Variants in NPY2R observed in about 807,000 individuals in gnomAD.
The protein encoded by NPY2R is neuropeptide Y receptor type 2.
NPY2R carries 17 observed loss-of-function variants against 22.3 expected under a neutral mutation model. That is an observed-to-expected ratio of 0.76 (90% confidence interval 0.52 to 1.14). The LOEUF is 1.14. Among genes scored for constraint, NPY2R ranks in the 50% most tolerant of loss-of-function variants. The pLI is 0.00. For synonymous variants in NPY2R, 209 were observed against 183.4 expected, an observed-to-expected ratio of 1.14 and a Z score of -1.13; for missense variants, 424 against 467.9, an observed-to-expected ratio of 0.91 and a Z score of 0.87.
chr4:155,191,855 G>A, the NPY2R span, among the ~76,000 whole-genome samples: 1 of 151,822 alleles, frequency 6.6e-6, no homozygotes, highest in South Asian at 2.1e-4. Flanking sequence ...TTACTTCAGG[G>A]ACTGGTAAAG....
At chr4:155,198,404 TTA>T in the NPY2R span, among the ~76,000 whole-genome samples, 1 of 148,954 alleles carries the variant, frequency 6.7e-6, no homozygotes, top group African/African-American at 2.4e-5. Flanking sequence ...TCACAATTAA[TTA>T]TATATATGTA....
the NPY2R span, among the ~76,000 whole-genome samples, chr4:155,174,766 A>G: frequency 6.6e-6 from 1 of 152,002 alleles, no homozygotes; most frequent in South Asian, 2.1e-4. Flanking sequence ...GCAAATTTGG[A>G]GAGTTCAGGA....
chr4:155,177,619 C>T, the NPY2R span, among the ~76,000 whole-genome samples: 1 of 152,076 alleles, frequency 6.6e-6, no homozygotes, highest in Non-Finnish European at 1.5e-5. Context: ...CATGGCTCCA[C>T]TGGATATTGC....
intron 1 of NPY2R, among the ~76,000 whole-genome samples, chr4:155,210,810 A>G (rs1184340847): frequency 6.6e-6 from 1 of 152,162 alleles, no homozygotes; most frequent in Non-Finnish European, 1.5e-5. Flanking sequence ...GTGGTGAGAG[A>G]CAGAGAGTGA....
rs1005120000 is a variant in NPY2R at position 155,216,474 on chromosome 4, A to G, written c.*1389A>G. 2 of 166,774 alleles carry G rather than the reference A, an allele frequency of 1.2e-5. No homozygotes were observed. Among genetic ancestry groups the G allele is most frequent in the Non-Finnish European group, 2.9e-5 (2 of 68,064 alleles). The allele number at this position is 166,774 out of a possible 1,614,324, so 10.3% of individuals were successfully genotyped here. A position where few individuals can be genotyped will look rare whatever the true frequency, so the allele number is the denominator to read the frequency against. ...AGATGCTATTAAAGTTTCATTAGTC[A>G]TATTTTTGTAAATATGACAGAATTT... On this transcript the variant is annotated 3_prime_UTR_variant, in exon 2 of 2. Coordinates refer to ENST00000329476, the MANE Select transcript of NPY2R (RefSeq NM_000910.4).
At chr4:155,204,806 C>T (rs1281183481), upstream of NPY2R, among the ~76,000 whole-genome samples, 1 of 144,312 alleles carries the variant, frequency 6.9e-6, no homozygotes, top group Non-Finnish European at 1.5e-5. Flanking sequence ...AAATTTTAGA[C>T]TTTATACAGT....
chr4:155,177,561 C>T, the NPY2R span, among the ~76,000 whole-genome samples: 1 of 152,166 alleles, frequency 6.6e-6, no homozygotes, highest in Admixed American at 6.5e-5. Flanking sequence ...GCTGGTGCTG[C>T]ATGCTGGTGG....
chr4:155,176,545 G>C, the NPY2R span, among the ~76,000 whole-genome samples: 1 of 152,070 alleles, frequency 6.6e-6, no homozygotes, highest in Non-Finnish European at 1.5e-5. Flanking sequence ...TGATAAATTA[G>C]GTGGTTACCC....
chr4:155,186,553 A>G, the NPY2R span, among the ~76,000 whole-genome samples: 4 of 152,202 alleles, frequency 2.6e-5, no homozygotes, highest in Non-Finnish European at 5.9e-5. Flanking sequence ...AAGCCAATTA[A>G]CATATGAATT....
chr4:155,204,898 A>T (rs1729251322), upstream of NPY2R, among the ~76,000 whole-genome samples: 1 of 151,482 alleles, frequency 6.6e-6, no homozygotes, highest in Non-Finnish European at 1.5e-5. Flanking sequence ...TATTGGTTTC[A>T]GGACCCCTGC....
the NPY2R span, among the ~76,000 whole-genome samples, chr4:155,198,838 G>C: frequency 6.6e-6 from 1 of 151,716 alleles, no homozygotes; most frequent in Non-Finnish European, 1.5e-5. Flanking sequence ...GCCATGTGTA[G>C]AGTACAGGTA....
the NPY2R span, among the ~76,000 whole-genome samples, chr4:155,182,879 G>A: frequency 2.6e-5 from 4 of 152,016 alleles, no homozygotes; most frequent in Admixed American, 6.6e-5. Flanking sequence ...TGCAAACTCC[G>A]TCTCCTGGGT....
chr4:155,210,599 C>T (rs74798842), intron 1 of NPY2R, among the ~76,000 whole-genome samples: 9,590 of 152,228 alleles, frequency 0.063, 372 homozygotes, highest in Middle Eastern at 0.12. Context: ...ATCAAACATA[C>T]ACTCCAAGAT....
At chr4:155,205,003 C>T (rs893577027), upstream of NPY2R, among the ~76,000 whole-genome samples, 2 of 152,098 alleles carry the variant, frequency 1.3e-5, no homozygotes, top group East Asian at 1.9e-4. Context: ...ATTTCACATC[C>T]GCAAACACTG....
At chr4:155,212,257 A>G (rs748869709) in intron 1 of NPY2R, among the ~76,000 whole-genome samples, 1 of 152,248 alleles carries the variant, frequency 6.6e-6, no homozygotes, top group African/African-American at 2.4e-5. Context: ...GATTATGAGC[A>G]TATTTGAAAG....
chr4:155,174,864 A>C, the NPY2R span, among the ~76,000 whole-genome samples: 1 of 152,094 alleles, frequency 6.6e-6, no homozygotes, highest in African/African-American at 2.4e-5. Context: ...ATTATTACAC[A>C]ATACTAAATT....
At chr4:155,191,585 A>T in the NPY2R span, among the ~76,000 whole-genome samples, 1 of 151,910 alleles carries the variant, frequency 6.6e-6, no homozygotes, top group Non-Finnish European at 1.5e-5. Flanking sequence ...TAATGGGAAA[A>T]TAAAATTTAT....
At chr4:155,211,332 G>A (rs1729400328) in intron 1 of NPY2R, among the ~76,000 whole-genome samples, 1 of 152,192 alleles carries the variant, frequency 6.6e-6, no homozygotes, top group Non-Finnish European at 1.5e-5. Context: ...AGTGAGCACA[G>A]GGGCTTGGGG....
Position 155,214,528 on chromosome 4 carries a change from G to A in NPY2R, c.589G>A (p.Asp197Asn), listed in dbSNP as rs1475428783. ...REYSLIEIIP[D>N]FEIVACTEKW... ...GTATTCGCTGATTGAGATCATCCCG[G>A]ACTTTGAGATTGTGGCCTGTACTGA... The change falls in exon 2 of 2, where the codon GAC becomes AAC. Residue 197 changes from aspartate (D) to asparagine (N), a missense_variant. Transcript: ENST00000329476. 15 of 1,614,070 alleles carry A rather than the reference G, an allele frequency of 9.3e-6. No homozygotes were observed. Among genetic ancestry groups the A allele is most frequent in the Non-Finnish European group, 6.8e-6 (8 of 1,180,018 alleles).
Sources: allele counts gnomAD v4.1 joint callset (sites outside exome capture counted in the v4.1 genomes callset), GRCh38; gene constraint gnomAD v4.1.1; transcripts MANE v1.5; gene names NCBI Gene and HGNC (gene_info 2026-07-23, HGNC 2026-07-21).